CDH13: variants seen among roughly 807,000 people sequenced by gnomAD.
The protein encoded by CDH13 is cadherin 13, also known as cadherin-13.
CDH13 carries 24 observed loss-of-function variants against 63.8 expected under a neutral mutation model. The observed-to-expected ratio is 0.38, with a 90% CI of 0.27 to 0.53. The LOEUF (loss-of-function observed/expected upper bound fraction) is 0.53, where lower values mean the gene tolerates loss of function less well. Ranked by LOEUF, CDH13 falls within the 20% of genes least tolerant of loss-of-function variation. CDH13 has a pLI of 0.85. For missense variants in CDH13, 1,049 were observed against 903.1 expected, an observed-to-expected ratio of 1.16 and a Z score of -2.07; for synonymous variants, 503 against 355.3, an observed-to-expected ratio of 1.42 and a Z score of -4.67.
chr16:83,758,465 A>AT (rs1473521772), intron 11 of CDH13, among the ~76,000 whole-genome samples: 1 of 152,202 alleles, frequency 6.6e-6, no homozygotes. Flanking sequence ...GTTTTAAAAA[A>AT]AAAATAACAG....
intron 7 of CDH13, among the ~76,000 whole-genome samples, chr16:83,566,369 G>A (rs1465693513): frequency 1.3e-5 from 2 of 152,200 alleles, no homozygotes; most frequent in Non-Finnish European, 2.9e-5. Context: ...TGGAATGGGA[G>A]TTCCAGCTTC....
At chr16:83,019,017 A>T (rs1915084818) in intron 2 of CDH13, among the ~76,000 whole-genome samples, 1 of 152,212 alleles carries the variant, frequency 6.6e-6, no homozygotes, top group Non-Finnish European at 1.5e-5. Flanking sequence ...GTGCAGGACT[A>T]TAGACTTTAT....
chr16:82,778,759 G>A (rs1054365730), intron 1 of CDH13, among the ~76,000 whole-genome samples: 1 of 151,970 alleles, frequency 6.6e-6, no homozygotes, highest in Non-Finnish European at 1.5e-5. Flanking sequence ...TTTAAAGCAC[G>A]CAAGGCACTA....
intron 7 of CDH13, among the ~76,000 whole-genome samples, chr16:83,584,540 G>C (rs778157143): frequency 2.0e-5 from 3 of 152,148 alleles, no homozygotes; most frequent in Non-Finnish European, 4.4e-5. Context: ...GGAACAGCAG[G>C]ACTTGGCTGC....
intron 5 of CDH13, among the ~76,000 whole-genome samples, chr16:83,323,652 C>A (rs2090291563): frequency 6.6e-6 from 1 of 152,118 alleles, no homozygotes; most frequent in Non-Finnish European, 1.5e-5. Flanking sequence ...GCAAAACAAA[C>A]AACAAACTAG....
At chr16:83,255,634 G>A (rs780631292) in intron 5 of CDH13, among the ~76,000 whole-genome samples, 36 of 152,208 alleles carry the variant, frequency 2.4e-4, no homozygotes, top group Middle Eastern at 3.4e-3. Context: ...TCGTCCTCTT[G>A]GCATCTAGAC....
chr16:83,677,447 C>T (rs563116600), intron 9 of CDH13, among the ~76,000 whole-genome samples: 25 of 152,268 alleles, frequency 1.6e-4, no homozygotes, highest in African/African-American at 4.3e-4. Context: ...GTCCCCCGCC[C>T]GGCAAATGGT....
intron 2 of CDH13, among the ~76,000 whole-genome samples, chr16:83,005,084 A>G (rs534824621): frequency 1.2e-4 from 18 of 152,302 alleles, no homozygotes; most frequent in Middle Eastern, 6.8e-3. Flanking sequence ...GCCCGCTGCA[A>G]TGGAGGCTGG....
chr16:82,718,488 G>A (rs2032540087), intron 1 of CDH13, among the ~76,000 whole-genome samples: 1 of 152,182 alleles, frequency 6.6e-6, no homozygotes, highest in African/African-American at 2.4e-5. Flanking sequence ...GAAGGAGAAA[G>A]TGTTAAGGAA....
intron 6 of CDH13, among the ~76,000 whole-genome samples, chr16:83,477,935 A>G (rs1284511294): frequency 6.6e-6 from 1 of 152,126 alleles, no homozygotes; most frequent in Non-Finnish European, 1.5e-5. Context: ...TAATCCCAGC[A>G]CTTTGGGAGG....
chr16:82,638,501 C>G (rs948817747), intron 1 of CDH13, among the ~76,000 whole-genome samples: 4 of 152,114 alleles, frequency 2.6e-5, no homozygotes, highest in African/African-American at 9.7e-5. Context: ...TGATGTCATC[C>G]TATGCTTAAG....
At chr16:83,142,970 G>C (rs1215961764) in intron 4 of CDH13, among the ~76,000 whole-genome samples, 1 of 152,158 alleles carries the variant, frequency 6.6e-6, no homozygotes, top group Non-Finnish European at 1.5e-5. Context: ...GGGTGTGATG[G>C]CACATGCCTG....
intron 2 of CDH13, among the ~76,000 whole-genome samples, chr16:82,932,007 A>T (rs576890487): frequency 1.3e-5 from 2 of 152,110 alleles, no homozygotes; most frequent in East Asian, 3.9e-4. Context: ...CACAGTTAAG[A>T]CCTCTGGTAA....
At chr16:83,659,416 C>T (rs554190173) in intron 8 of CDH13, among the ~76,000 whole-genome samples, 1 of 152,368 alleles carries the variant, frequency 6.6e-6, no homozygotes, top group African/African-American at 2.4e-5. Context: ...CCCATGTCCT[C>T]ACCAGCAAGG....
intron 5 of CDH13, among the ~76,000 whole-genome samples, chr16:83,242,913 C>T (rs1355821222): frequency 1.3e-5 from 2 of 152,230 alleles, no homozygotes; most frequent in Admixed American, 6.5e-5. Flanking sequence ...GTACAGCTAA[C>T]ATCTTTGAGC....
At chr16:83,599,517 A>C (rs1215090184) in intron 7 of CDH13, among the ~76,000 whole-genome samples, 5 of 152,252 alleles carry the variant, frequency 3.3e-5, no homozygotes, top group Admixed American at 1.3e-4. Context: ...AACCAAAAAA[A>C]TTTTTAAAAA....
intron 4 of CDH13, among the ~76,000 whole-genome samples, chr16:83,213,387 T>C (rs1256578816): frequency 6.6e-6 from 1 of 152,140 alleles, no homozygotes; most frequent in Non-Finnish European, 1.5e-5. Flanking sequence ...AGGGTGGTGA[T>C]GTTTGTCCCA....
chr16:83,305,096 C>A (rs1044975338), intron 5 of CDH13, among the ~76,000 whole-genome samples: 1 of 152,096 alleles, frequency 6.6e-6, no homozygotes, highest in East Asian at 1.9e-4. Flanking sequence ...AAGGGGCTGT[C>A]CTGGGGGGAC....
chr16:83,010,554 T>C (rs1205294739), intron 2 of CDH13, among the ~76,000 whole-genome samples: 1 of 152,178 alleles, frequency 6.6e-6, no homozygotes, highest in African/African-American at 2.4e-5. Context: ...ACACATTTTA[T>C]TTCTCCTGCC....
Sources: allele counts gnomAD v4.1 joint callset (sites outside exome capture counted in the v4.1 genomes callset), GRCh38; gene constraint gnomAD v4.1.1; transcripts MANE v1.5; gene names NCBI Gene and HGNC (gene_info 2026-07-23, HGNC 2026-07-21).